CFAP61: variants seen among roughly 807,000 people sequenced by gnomAD.
CFAP61 encodes cilia and flagella associated protein 61.
In CFAP61, 107 loss-of-function variants were observed where a neutral mutation model predicts 135.6. The observed-to-expected ratio is 0.79, with a 90% CI of 0.67 to 0.93. The LOEUF (loss-of-function observed/expected upper bound fraction) is 0.93. Ranked by LOEUF, CFAP61 falls within the 40% of genes least tolerant of loss-of-function variation. CFAP61 has a pLI of 0.00. For synonymous variants in CFAP61, 575 were observed against 578.5 expected (o/e 0.99, Z 0.09); for missense variants, 1,507 against 1,556.2 (o/e 0.97, Z 0.53).
At chr20:20,319,502 T>A (rs2057324733) in intron 25 of CFAP61, among the ~76,000 whole-genome samples, 1 of 152,206 alleles carries the variant, frequency 6.6e-6, no homozygotes, top group Non-Finnish European at 1.5e-5. Flanking sequence ...TGAGTTCTCA[T>A]GAGATGTGGT....
At chr20:20,186,726 G>T (rs147670600) in intron 13 of CFAP61, among the ~76,000 whole-genome samples, 1 of 152,116 alleles carries the variant, frequency 6.6e-6, no homozygotes, top group Admixed American at 6.5e-5. Context: ...TTGCAAATAT[G>T]ATACTTTGTT....
chr20:20,252,113 G>A (rs1030662344), intron 20 of CFAP61, among the ~76,000 whole-genome samples: 3 of 152,208 alleles, frequency 2.0e-5, no homozygotes, highest in African/African-American at 7.2e-5. Flanking sequence ...ATTAATTTAT[G>A]CCTCAAGAGG....
intron 8 of CFAP61, among the ~76,000 whole-genome samples, chr20:20,102,363 T>G (rs538820235): frequency 1.1e-4 from 16 of 152,300 alleles, no homozygotes; most frequent in South Asian, 8.3e-4. Context: ...ATACCCCAGC[T>G]CCCTCACTCC....
At chr20:20,216,383 G>T (rs1303028763) in intron 17 of CFAP61, among the ~76,000 whole-genome samples, 1 of 152,184 alleles carries the variant, frequency 6.6e-6, no homozygotes, top group Non-Finnish European at 1.5e-5. Context: ...CACTCAGAGG[G>T]GTTTTAGGGA....
chr20:20,167,529 A>G (rs2053926071), intron 12 of CFAP61, among the ~76,000 whole-genome samples: 2 of 152,190 alleles, frequency 1.3e-5, no homozygotes, highest in Admixed American at 6.5e-5. Flanking sequence ...TTACATTTCA[A>G]TTCTATTTGA....
intron 21 of CFAP61, among the ~76,000 whole-genome samples, chr20:20,266,918 T>C (rs560248720): frequency 1.4e-4 from 22 of 152,328 alleles, no homozygotes; most frequent in African/African-American, 4.6e-4. Context: ...CTCTCATACA[T>C]AGAAAGAGTT....
intron 25 of CFAP61, chr20:20,322,579 A>G: frequency 4.0e-6 from 2 of 504,214 alleles, no homozygotes; most frequent in Non-Finnish European, 5.1e-6. Context: ...GCCAGTGTAA[A>G]GGAGGAAAGA....
chr20:20,064,539 G>A (rs1253504508), intron 2 of CFAP61, among the ~76,000 whole-genome samples: 2 of 152,200 alleles, frequency 1.3e-5, no homozygotes, highest in Non-Finnish European at 2.9e-5. Context: ...CATCTACAGT[G>A]TGGATCTGCT....
chr20:20,088,480 G>T (rs1452784021), intron 6 of CFAP61, among the ~76,000 whole-genome samples: 3 of 152,070 alleles, frequency 2.0e-5, no homozygotes, highest in Non-Finnish European at 4.4e-5. Context: ...GAGTGAAAGG[G>T]GAGGCCCCTT....
At chr20:20,091,129 AG>A (rs368752367) in intron 7 of CFAP61, among the ~76,000 whole-genome samples, 153 bp downstream of exon 7, 24 of 152,270 alleles carry the variant, frequency 1.6e-4, no homozygotes, top group African/African-American at 4.8e-4. Flanking sequence ...GCACCAGGCC[AG>A]CTTCCTCCCC....
intron 13 of CFAP61, among the ~76,000 whole-genome samples, chr20:20,181,157 T>C (rs1374056710): frequency 7.8e-6 from 1 of 128,872 alleles, no homozygotes; most frequent in African/African-American, 3.0e-5. Flanking sequence ...GAATTTAAAG[T>C]AAAAGTTATA....
intron 25 of CFAP61, among the ~76,000 whole-genome samples, chr20:20,335,561 C>T (rs578127111): frequency 9.3e-4 from 141 of 152,280 alleles, no homozygotes; most frequent in African/African-American, 3.3e-3. Flanking sequence ...CTCTTTTTCC[C>T]ATACTTCATC....
At chr20:20,222,116 AGAATT>A (rs1325847360) in intron 17 of CFAP61, 4 of 152,188 alleles carry the variant, frequency 2.6e-5, no homozygotes, top group Non-Finnish European at 5.9e-5. Flanking sequence ...TGTGCACACT[AGAATT>A]GATGAAATCC....
rs1260901022 is a variant in CFAP61, at chr20:20,164,091, G to T, written c.1068G>T (p.Gln356His). The T allele has an allele frequency of 1.9e-5, 31 of 1,613,976 alleles. No individual in the cohort carries two copies. Among genetic ancestry groups the T allele is most frequent in the Non-Finnish European group, 2.5e-5 (30 of 1,179,952 alleles). Residue 356 changes from glutamine to histidine, a missense_variant, in exon 11 of 27, where the codon CAG becomes CAT. Coordinates refer to ENST00000245957, the MANE Select transcript of CFAP61 (RefSeq NM_015585.4). Reference sequence around the variant, plus strand: ...GTGACATCTCCACTGGATATGCACAGTATCACCATGTCAGCAGTAGGAGCT... The same window carrying T: ...GTGACATCTCCACTGGATATGCACATTATCACCATGTCAGCAGTAGGAGCT... ...KLSDISTGYA[Q>H]YHHVSSRSLA... is the part of the protein sequence containing the mutation.
chr20:20,072,422 G>T (rs1055156037), intron 3 of CFAP61, among the ~76,000 whole-genome samples: 3 of 151,920 alleles, frequency 2.0e-5, no homozygotes, highest in African/African-American at 7.3e-5. Context: ...GCCTAATCCA[G>T]CAATCTTATT....
chr20:20,120,530 C>T (rs2049530381), intron 8 of CFAP61, among the ~76,000 whole-genome samples: 1 of 152,090 alleles, frequency 6.6e-6, no homozygotes, highest in African/African-American at 2.4e-5. Context: ...GTTGAGACTT[C>T]TTTTGTGGCC....
In CFAP61 at chr20:20,115,392, T is replaced by C. The variant is rs190444071; in HGVS notation, c.859+16578T>C. Among the ~76,000 whole-genome samples, 640 of 152,060 alleles carry C rather than the reference T, an allele frequency of 4.2e-3. 4 individuals carry two copies. Among genetic ancestry groups the C allele is most frequent in the African/African-American group, 0.014 (580 of 41,484 alleles). On this transcript the variant is annotated intron_variant, in intron 8 of 26. Coordinates refer to ENST00000245957, the MANE Select transcript of CFAP61 (RefSeq NM_015585.4). ...TTTCTAAAGATCAAATCAGTGTAAT[T>C]GGGATATTCATCACCTTAAATATTT...
chr20:20,063,367 A>T (rs1209614327), intron 2 of CFAP61, among the ~76,000 whole-genome samples: 1 of 151,640 alleles, frequency 6.6e-6, no homozygotes, highest in Non-Finnish European at 1.5e-5. Flanking sequence ...GTAAAAATTC[A>T]AAAAAAAATT....
chr20:20,265,064 A>G (rs1474631535), intron 21 of CFAP61, among the ~76,000 whole-genome samples: 1 of 152,256 alleles, frequency 6.6e-6, no homozygotes, highest in South Asian at 2.1e-4. Flanking sequence ...TGTAGTAACC[A>G]GCTTTTAGCC....
Sources: allele counts gnomAD v4.1 joint callset (sites outside exome capture counted in the v4.1 genomes callset), GRCh38; gene constraint gnomAD v4.1.1; transcripts MANE v1.5; gene names NCBI Gene and HGNC (gene_info 2026-07-23, HGNC 2026-07-21).